The following CCNYL1 variants were observed in gnomAD, a reference collection of about 807,000 sequenced individuals.
CCNYL1 encodes cyclin Y like 1.
CCNYL1 carries 16 observed loss-of-function variants against 44.2 expected under a neutral mutation model. That is an observed-to-expected ratio of 0.36 (90% CI 0.25 to 0.55). CCNYL1 has a LOEUF of 0.55. Among genes scored for constraint, CCNYL1 ranks in the 20% least tolerant of loss-of-function variants. The pLI, the probability that CCNYL1 is intolerant of heterozygous loss-of-function variation, is 0.85. For missense variants in CCNYL1, 348 were observed against 451.8 expected (o/e 0.77, Z 2.08); for synonymous variants, 159 against 163.2 (o/e 0.97, Z 0.20).
intron 1 of CCNYL1, among the ~76,000 whole-genome samples, chr2:207,722,961 GAA>G (rs78215971): frequency 1.4e-5 from 2 of 139,706 alleles, no homozygotes; most frequent in Non-Finnish European, 1.6e-5. Context: ...TCTTCTCTCG[GAA>G]AAAAAAAAAA....
At chr2:207,720,793 A>G (rs1029076433) in intron 1 of CCNYL1, among the ~76,000 whole-genome samples, 1 of 152,246 alleles carries the variant, frequency 6.6e-6, no homozygotes, top group African/African-American at 2.4e-5. Context: ...ATACTATAGC[A>G]TATGAAATGT....
At chr2:207,744,389 C>T (rs548240460) in intron 7 of CCNYL1, among the ~76,000 whole-genome samples, 66 of 151,920 alleles carry the variant, frequency 4.3e-4, no homozygotes, top group African/African-American at 1.6e-3. Context: ...TTTTGAGATG[C>T]GGAGTCTTGC....
intron 7 of CCNYL1, among the ~76,000 whole-genome samples, chr2:207,745,429 A>T (rs2091847524): frequency 6.6e-6 from 1 of 152,162 alleles, no homozygotes; most frequent in Admixed American, 6.5e-5. Context: ...CAGGAAGTTG[A>T]GGGATTGTCT....
intron 3 of CCNYL1, 146 bp downstream of exon 3, chr2:207,727,022 A>G: frequency 1.9e-6 from 1 of 528,016 alleles, no homozygotes; most frequent in Admixed American, 3.6e-5. Flanking sequence ...TTTTGCTGAG[A>G]ATCAGATTTA....
At chr2:207,725,173 C>T (rs1450800980) in intron 2 of CCNYL1, among the ~76,000 whole-genome samples, 2 of 140,804 alleles carry the variant, frequency 1.4e-5, no homozygotes, top group Non-Finnish European at 3.0e-5. Context: ...ATTGCCCATG[C>T]TGGAGTGCAA....
chr2:207,750,702 A>T (rs2091885007), intron 8 of CCNYL1: 1 of 367,512 alleles, frequency 2.7e-6, no homozygotes, highest in African/African-American at 2.0e-5. Context: ...CTGAAGAATG[A>T]GGCCCGAGTC....
At chr2:207,714,299 A>G (rs762854839) in intron 1 of CCNYL1, 9 of 418,644 alleles carry the variant, frequency 2.1e-5, no homozygotes, top group South Asian at 1.1e-4. Context: ...ATTCAGAGGC[A>G]ACACTTACAT....
At chr2:207,749,572 T>C (rs140561503) in intron 8 of CCNYL1, among the ~76,000 whole-genome samples, 119 of 152,346 alleles carry the variant, frequency 7.8e-4, no homozygotes, top group African/African-American at 2.7e-3. Context: ...CCTCTATTAA[T>C]ATGTGTGTTA....
At chr2:207,742,946 C>T (rs1033082729) in intron 7 of CCNYL1, among the ~76,000 whole-genome samples, 1 of 152,200 alleles carries the variant, frequency 6.6e-6, no homozygotes, top group African/African-American at 2.4e-5. Context: ...GTCCTCCATA[C>T]AGAATTCCTA....
In CCNYL1 at chr2:207,747,097, C is replaced by G. The variant is rs1314107020; in HGVS notation, c.690C>G (p.Thr230=). 1 of 1,613,920 alleles carries G rather than the reference C, an allele frequency of 6.2e-7. No homozygotes were observed. Among genetic ancestry groups the G allele is most frequent in the African/African-American group, 1.3e-5 (1 of 74,904 alleles). ...ATGCTGAAATCGACATTTGTCCCAC[C>G]AACTGGAAAAGGATTGTTCTGGGAG... ...LTYAEIDICP[T]NWKRIVLGAI... The change falls in exon 8 of 10, where the codon ACC becomes ACG. Residue 230 remains threonine, a synonymous_variant. Coordinates refer to ENST00000295414, the MANE Select transcript of CCNYL1 (RefSeq NM_001330218.2).
At chr2:207,734,126 C>T in intron 4 of CCNYL1, 79 bp downstream of exon 4, 2 of 841,230 alleles carry the variant, frequency 2.4e-6, no homozygotes, top group South Asian at 1.6e-5. Flanking sequence ...TCGGTAATTT[C>T]AGCCATTTGA....
At chr2:207,721,956 C>T (rs992529941) in intron 1 of CCNYL1, among the ~76,000 whole-genome samples, 1 of 152,122 alleles carries the variant, frequency 6.6e-6, no homozygotes, top group African/African-American at 2.4e-5. Flanking sequence ...GATTGGCCAG[C>T]TGTAAGTCAC....
At chr2:207,750,887 A>G in intron 8 of CCNYL1, 70 bp from the exon 9 acceptor site, 1 of 1,346,212 alleles carries the variant, frequency 7.4e-7, no homozygotes, top group Non-Finnish European at 1.0e-6. Flanking sequence ...TCTTAGAATG[A>G]TATTTTTGAA....
At chr2:207,753,536 C>T (rs375544118) in intron 9 of CCNYL1, 52 bp from the exon 10 acceptor site, 20 of 1,227,262 alleles carry the variant, frequency 1.6e-5, no homozygotes, top group South Asian at 2.4e-5. Flanking sequence ...CTTTCAAAGG[C>T]GGGAACCCTT....
chr2:207,729,440 A>T (rs1002009020), intron 3 of CCNYL1, among the ~76,000 whole-genome samples: 1 of 151,798 alleles, frequency 6.6e-6, no homozygotes, highest in Non-Finnish European at 1.5e-5. Flanking sequence ...CACCACTCCC[A>T]TGCATTCCTT....
At chr2:207,746,320 G>A (rs1342220871) in intron 7 of CCNYL1, among the ~76,000 whole-genome samples, 1 of 152,220 alleles carries the variant, frequency 6.6e-6, no homozygotes, top group Non-Finnish European at 1.5e-5. Context: ...GTAAAAATGT[G>A]CTCAGTATTA....
Position 207,711,804 on chromosome 2 carries a change from CG to C in CCNYL1, c.-91del. On this transcript the variant is annotated 5_prime_UTR_variant, in exon 1 of 10. Coordinates refer to ENST00000295414, the MANE Select transcript of CCNYL1 (RefSeq NM_001330218.2). The stretch of plus-strand genomic sequence containing the variant: ...CAGCGTAGCCCGGGGCTGCCGGTGC[CG>C]GCCGCGCCATTGTTGGGGGAGGGGG... The C allele has an allele frequency of 2.3e-6, 2 of 882,294 alleles. No homozygotes were observed. Among genetic ancestry groups the C allele is most frequent in the South Asian group, 6.8e-5 (2 of 29,408 alleles). The allele number at this position is 882,294 out of a possible 1,614,324, so 54.7% of individuals were successfully genotyped here.
chr2:207,745,521 G>C (rs2091848033), intron 7 of CCNYL1, among the ~76,000 whole-genome samples: 1 of 152,210 alleles, frequency 6.6e-6, no homozygotes, highest in Admixed American at 6.5e-5. Context: ...TTGGGGGAAA[G>C]GGAACAGAAT....
intron 4 of CCNYL1, among the ~76,000 whole-genome samples, chr2:207,736,367 C>A (rs1055184089): frequency 2.0e-5 from 3 of 152,198 alleles, no homozygotes; most frequent in Non-Finnish European, 4.4e-5. Flanking sequence ...ATATAACTTA[C>A]CTAAGACAAC....
Sources: gnomAD v4.1 joint callset for allele counts (sites outside exome capture counted in the v4.1 genomes callset) on GRCh38, gnomAD v4.1.1 for gene constraint, MANE v1.5 for transcripts, NCBI Gene and HGNC (gene_info 2026-07-23, HGNC 2026-07-21) for gene names.